Variants in EVPL observed in about 807,000 individuals in gnomAD.
EVPL encodes the protein envoplakin.
A neutral mutation model predicts 129.7 loss-of-function variants in EVPL; 94 were observed. The ratio of observed to expected loss-of-function variants is 0.72; its 90% confidence interval spans 0.61 to 0.86. The LOEUF (loss-of-function observed/expected upper bound fraction) is 0.86, where lower values mean the gene tolerates loss of function less well. EVPL is among the 40% of genes least tolerant of loss of function. The pLI is 0.00. For synonymous variants in EVPL, 1,172 were observed against 1,191.1 expected, an observed-to-expected ratio of 0.98 and a Z score of 0.33; for missense variants, 2,625 against 2,721.1, an observed-to-expected ratio of 0.96 and a Z score of 0.79.
chr17:76,011,483 T>TACCA (rs1426194684), intron 21 of EVPL, 93 bp downstream of exon 21: 2 of 1,126,810 alleles, frequency 1.8e-6, no homozygotes, highest in African/African-American at 3.1e-5. Flanking sequence ...GGAAGGAGAC[T>TACCA]ACCAGGGTGA....
chr17:76,015,653 C>T (rs2066414961), intron 14 of EVPL, 25 bp from the exon 15 acceptor site: 1 of 1,601,208 alleles, frequency 6.2e-7, no homozygotes, highest in Non-Finnish European at 8.5e-7. Context: ...GGTCAGGGAT[C>T]TCTGGGCAGG....
At chr17:76,016,684 C>T (rs887733484) in intron 14 of EVPL, among the ~76,000 whole-genome samples, 6 of 151,930 alleles carry the variant, frequency 3.9e-5, no homozygotes, top group East Asian at 1.9e-4. Flanking sequence ...GAGGCCAATG[C>T]GGGAGGATCG....
At position 76,018,608 on chromosome 17, in the gene EVPL, C is replaced by T. The variant is rs1371869216; in HGVS notation, c.1285-8G>A. The T allele has an allele frequency of 1.3e-6, 2 of 1,593,598 alleles. No homozygotes were observed. The highest frequency in any genetic ancestry group is 2.3e-5 in the East Asian group (1 of 44,356). On this transcript the variant is annotated splice_polypyrimidine_tract_variant and splice_region_variant and intron_variant, in intron 11 of 21. Coordinates refer to ENST00000301607, the MANE Select transcript of EVPL (RefSeq NM_001988.4). Reference sequence around the variant, plus strand: ...ACCCTGCAGCAGCTGCACCTGGGGGCACAGAAAGGGAGCAGCTCCTGAGGG... The same window carrying T: ...ACCCTGCAGCAGCTGCACCTGGGGGTACAGAAAGGGAGCAGCTCCTGAGGG...
chr17:76,027,243 A>T lies in EVPL; in HGVS notation c.-45T>A. Reference sequence around the variant, plus strand: ...GGCTCAGGCTGGGCTTGGCTGGCGAAAGACGGCAGGAGGGCAGGTGGGAGG... The same window carrying T: ...GGCTCAGGCTGGGCTTGGCTGGCGATAGACGGCAGGAGGGCAGGTGGGAGG... On this transcript the variant is annotated 5_prime_UTR_variant, in exon 1 of 22. Transcript: ENST00000301607. 1.4e-6 allele frequency: 2 copies of T among 1,446,790 alleles called. No homozygotes were observed. The highest frequency in any genetic ancestry group is 1.9e-6 in the Non-Finnish European group (2 of 1,034,182). The allele number at this position is 1,446,790 out of a possible 1,614,324, so 89.6% of individuals were successfully genotyped here.
rs1014251243 is a variant in EVPL, at chr17:76,021,744, C to T, written c.845G>A (p.Ser282Asn). 2 of 1,610,152 alleles carry T rather than the reference C, an allele frequency of 1.2e-6. No homozygotes were observed. Among genetic ancestry groups the T allele is most frequent in the Admixed American group, 1.7e-5 (1 of 59,924 alleles). Residue 282 changes from serine to asparagine, a missense_variant, in exon 8 of 22, where the codon AGC (serine) becomes AAC (asparagine). Ser to Asn is a conservative substitution (Grantham distance 46). Coordinates refer to ENST00000301607, the MANE Select transcript of EVPL (RefSeq NM_001988.4). ...GCCGTCGTCCTCCAGCTGGTTCACG[C>T]TCTGCTCCTGGCTCAGCAGCTCGTG... ...KQHELLSQEQ[S>N]VNQLEDDGER...
At chr17:76,026,989 C>T (rs1293588373) in intron 1 of EVPL, 112 bp downstream of exon 1, 3 of 617,518 alleles carry the variant, frequency 4.9e-6, no homozygotes, top group Admixed American at 3.6e-5. Flanking sequence ...AATGCCAGCA[C>T]GGGGCTGGTC....
At chr17:76,023,710 G>A in intron 2 of EVPL, 56 bp from the exon 3 acceptor site, 3 of 1,477,994 alleles carry the variant, frequency 2.0e-6, no homozygotes, top group South Asian at 1.4e-5. Flanking sequence ...CACCCCTGCT[G>A]CCCATCACTG....
At chr17:76,011,960 C>A (rs780192890) in intron 19 of EVPL, 46 bp downstream of exon 19, 1 of 1,602,096 alleles carries the variant, frequency 6.2e-7, no homozygotes, top group Non-Finnish European at 8.5e-7. Flanking sequence ...GGAAGAGGGA[C>A]AAGGGTGATG....
At chr17:76,018,769 A>C in intron 11 of EVPL, 145 bp downstream of exon 11, 1 of 1,193,440 alleles carries the variant, frequency 8.4e-7, no homozygotes, top group South Asian at 1.6e-5. Flanking sequence ...ACTTGGAGAG[A>C]GGAGGGTCTG....
In EVPL at chr17:76,023,535, C is replaced by T. The variant is rs765435294; in HGVS notation, c.318G>A (p.Arg106=). 1.9e-5 allele frequency: 31 copies of T among 1,613,366 alleles called. No homozygotes were observed. Among genetic ancestry groups the T allele is most frequent in the South Asian group, 1.9e-4 (17 of 91,064 alleles). Residue 106 remains arginine, a synonymous_variant, in exon 3 of 22, where the codon CGG becomes CGA. Transcript: ENST00000301607. ...DLFLDVDKAR[R]LKHPQAEEIE... is the part of the protein sequence containing the mutation. ...TCTCCTCAGCCTGCGGGTGCTTGAGCCGCCGGGCCTTGTCCACGTCCAGGA... is the reference window on the plus strand; with the variant it reads ...TCTCCTCAGCCTGCGGGTGCTTGAGTCGCCGGGCCTTGTCCACGTCCAGGA...
chr17:76,019,456 G>C, intron 10 of EVPL, 72 bp downstream of exon 10: 2 of 1,489,550 alleles, frequency 1.3e-6, no homozygotes, highest in Non-Finnish European at 1.8e-6. Context: ...GGCAGAAGGG[G>C]TGAGGCCCAG....
In EVPL at chr17:76,024,878, G is replaced by A. The variant is rs568428870; in HGVS notation, c.99-758C>T. On this transcript the variant is annotated intron_variant, in intron 1 of 21. Coordinates refer to ENST00000301607, the MANE Select transcript of EVPL (RefSeq NM_001988.4). The surrounding 1 kb of genome is among the most constrained non-coding windows in gnomAD (Gnocchi z 4.5). ...TGCTGTGTGCATGCACTCACTGTGC[G>A]GAGGTCACAAGGTCAAGCAGACCTA... 1.4e-3 allele frequency among the ~76,000 whole-genome samples: 216 copies of A among 152,288 alleles called. 1 individual carries two copies. The highest frequency in any genetic ancestry group is 2.3e-3 in the Non-Finnish European group (154 of 68,022).
Position 76,021,300 on chromosome 17 carries a change from C to T in EVPL, c.1011+168G>A, listed in dbSNP as rs182305783. The stretch of plus-strand genomic sequence containing the variant: ...CGAACTCCTGACCTCAAGTGATCCA[C>T]CAGCCTCGGCCTCCCAAAGTGCTGG... On this transcript the variant is annotated intron_variant, in intron 9 of 21. Transcript: ENST00000301607. Among the ~76,000 whole-genome samples, 306 of 152,280 alleles carry T rather than the reference C, an allele frequency of 2.0e-3. 3 individuals are homozygous for T. The highest frequency in any genetic ancestry group is 7.1e-3 in the African/African-American group (294 of 41,542).
intron 7 of EVPL, 26 bp from the exon 8 acceptor site, chr17:76,021,807 G>A (rs757364273): frequency 1.4e-5 from 22 of 1,575,698 alleles, no homozygotes; most frequent in Non-Finnish European, 1.7e-5. Flanking sequence ...GTGGGGAGCG[G>A]CGGTGAGGAC....
chr17:76,008,150 C>A lies in EVPL; in HGVS notation c.5055G>T (p.Lys1685Asn), dbSNP rs1186808400. 2.5e-6 allele frequency: 4 copies of A among 1,614,188 alleles called. No individual in the cohort carries two copies. Among genetic ancestry groups the A allele is most frequent in the South Asian group, 2.2e-5 (2 of 91,090 alleles). Residue 1685 changes from lysine to asparagine, a missense_variant, in exon 22 of 22, where the codon AAG (lysine) becomes AAT (asparagine). Lys to Asn is a moderately conservative substitution (Grantham distance 94, BLOSUM62 0). Transcript: ENST00000301607. This position sits in a 1 kb window ranked among gnomAD's most constrained non-coding sequence, Gnocchi z 7.4. ...TQTRETNLST[K>N]ISILEPETGK... ...CCGTCTCGGGTTCCAGGATGGAGAT[C>A]TTGGTGGAAAGGTTGGTCTCTCGCG...
rs767348774 is a variant in EVPL, at chr17:76,007,149, C to T, written c.6056G>A (p.Arg2019His). The change falls in exon 22 of 22, where the codon CGC becomes CAC. Residue 2019 changes from arginine to histidine, a missense_variant. Physicochemically the swap from Arg to His is conservative, Grantham distance 29. Coordinates refer to ENST00000301607, the MANE Select transcript of EVPL (RefSeq NM_001988.4). The surrounding 1 kb of genome is among the most constrained non-coding windows in gnomAD (Gnocchi z 8.8). ...GGTGGGGGAGGCGGAGCGGTAGCAG[C>T]GGTACCCCTCCAGTGCCGCTGGCAG... is the stretch of plus-strand genomic sequence containing the variant. ...LLLPAALEGY[R>H]CYRSASPTVP... is the part of the protein sequence containing the mutation. 8 of 1,498,454 alleles carry T rather than the reference C, an allele frequency of 5.3e-6. No homozygotes were observed. In the East Asian group the frequency reaches 6.9e-5, roughly 13 times the overall value. The allele number at this position is 1,498,454 out of a possible 1,614,324, so 92.8% of individuals were successfully genotyped here.
Position 76,024,010 on chromosome 17 carries a change from C to T in EVPL, c.198+11G>A, listed in dbSNP as rs373219186. ...CTGTCCACGCCCTGCCAACTGCTGC[C>T]GGGGCCTCACCTGCTGCAGCCTCTT... On this transcript the variant is annotated intron_variant, in intron 2 of 21. Coordinates refer to ENST00000301607, the MANE Select transcript of EVPL (RefSeq NM_001988.4). The surrounding 1 kb of genome is among the most constrained non-coding windows in gnomAD (Gnocchi z 4.5). The T allele has an allele frequency of 2.8e-5, 45 of 1,609,746 alleles. No individual in the cohort carries two copies. The East Asian group carries it at 3.1e-4, about 11-fold the overall frequency.
chr17:76,011,378 G>A (rs891683510), intron 21 of EVPL, 198 bp downstream of exon 21: 3 of 611,296 alleles, frequency 4.9e-6, no homozygotes, highest in South Asian at 3.8e-5. Flanking sequence ...ACACCAGCCT[G>A]TAAGAGCTGC....
chr17:76,010,599 T>C (rs934690782), intron 21 of EVPL, 56 bp from the exon 22 acceptor site: 1 of 1,509,716 alleles, frequency 6.6e-7, no homozygotes. Flanking sequence ...AGGAGCTCCA[T>C]GTTTTTCCTG....
Sources: gnomAD v4.1 joint callset for allele counts (sites outside exome capture counted in the v4.1 genomes callset) on GRCh38, gnomAD v4.1.1 for gene constraint, Gnocchi (gnomAD v3.1) non-coding constraint, MANE v1.5 for transcripts, NCBI Gene and HGNC (gene_info 2026-07-23, HGNC 2026-07-21) for gene names.